Variants in GRID1 observed in about 807,000 individuals in gnomAD.
GRID1 encodes glutamate receptor ionotropic, delta-1.
A neutral mutation model predicts 98.0 loss-of-function variants in GRID1; 28 were observed. That is an observed-to-expected ratio of 0.29 (90% CI 0.21 to 0.39). The LOEUF (loss-of-function observed/expected upper bound fraction) is 0.39. Among genes scored for constraint, GRID1 ranks in the 10% least tolerant of loss-of-function variants. GRID1 has a pLI of 1.00. For synonymous variants in GRID1, 553 were observed against 538.5 expected (o/e 1.03, Z -0.37); for missense variants, 1,111 against 1,340.5 (o/e 0.83, Z 2.67).
intron 4 of GRID1, among the ~76,000 whole-genome samples, chr10:86,051,797 TA>T (rs1358038970): frequency 1.3e-5 from 2 of 152,176 alleles, no homozygotes; most frequent in Non-Finnish European, 2.9e-5. Flanking sequence ...ATTCTGTTGA[TA>T]AAACTATGGA....
At chr10:86,015,724 T>C (rs1335230580) in intron 4 of GRID1, among the ~76,000 whole-genome samples, 3 of 152,226 alleles carry the variant, frequency 2.0e-5, no homozygotes, top group Admixed American at 1.3e-4. Flanking sequence ...TCCCATTGAC[T>C]CTGTGACCTG....
chr10:86,208,154 C>G (rs918185294), intron 2 of GRID1, among the ~76,000 whole-genome samples: 1 of 152,170 alleles, frequency 6.6e-6, no homozygotes, highest in South Asian at 2.1e-4. Flanking sequence ...AGGGTCCCCC[C>G]ACACTCTCCA....
intron 8 of GRID1, among the ~76,000 whole-genome samples, chr10:85,735,983 AAGGG>A (rs1225340285): frequency 8.4e-6 from 1 of 118,498 alleles, no homozygotes; most frequent in Non-Finnish European, 1.7e-5. Flanking sequence ...GAGAGGGAGA[AAGGG>A]AGGGAGGGAG....
At chr10:86,198,953 C>G (rs1345319100) in intron 3 of GRID1, among the ~76,000 whole-genome samples, 1 of 152,152 alleles carries the variant, frequency 6.6e-6, no homozygotes, top group Non-Finnish European at 1.5e-5. Flanking sequence ...AGAAATTACC[C>G]TATAGATGAA....
intron 10 of GRID1, 90 bp downstream of exon 10, chr10:85,727,765 A>T (rs1407186822): frequency 6.3e-6 from 6 of 949,946 alleles, no homozygotes; most frequent in Non-Finnish European, 1.0e-5. Flanking sequence ...GCTGGTCCCA[A>T]GGTTTCCACT....
chr10:85,769,422 T>A (rs1252296670), intron 8 of GRID1, among the ~76,000 whole-genome samples: 2 of 152,150 alleles, frequency 1.3e-5, no homozygotes, highest in Non-Finnish European at 2.9e-5. Context: ...ATTTCTGCAT[T>A]TCCATCTGGG....
At chr10:86,121,547 T>TCA (rs1248210301) in intron 4 of GRID1, among the ~76,000 whole-genome samples, 1 of 151,430 alleles carries the variant, frequency 6.6e-6, no homozygotes, top group Non-Finnish European at 1.5e-5. Flanking sequence ...ACCATCACCA[T>TCA]TATCTCACCA....
intron 4 of GRID1, among the ~76,000 whole-genome samples, chr10:86,128,084 C>T (rs888741894): frequency 1.3e-4 from 20 of 152,134 alleles, no homozygotes; most frequent in African/African-American, 4.6e-4. Context: ...AAGGACAATG[C>T]CCCTTCCTCT....
chr10:86,057,511 G>C (rs1043990255), intron 4 of GRID1, among the ~76,000 whole-genome samples: 1 of 152,138 alleles, frequency 6.6e-6, no homozygotes, highest in African/African-American at 2.4e-5. Flanking sequence ...ACGACACCCT[G>C]CAGTCTCAAC....
intron 12 of GRID1, among the ~76,000 whole-genome samples, chr10:85,653,916 A>T (rs776738381): frequency 3.4e-4 from 51 of 152,124 alleles, no homozygotes; most frequent in Non-Finnish European, 4.4e-4. Context: ...TGCCCTTTTT[A>T]AAAAAAATAA....
At chr10:85,811,699 T>G (rs2131744763) in intron 8 of GRID1, among the ~76,000 whole-genome samples, 1 of 152,220 alleles carries the variant, frequency 6.6e-6, no homozygotes, top group South Asian at 2.1e-4. Flanking sequence ...CCTACAGAAT[T>G]TATGGAAAAC....
intron 13 of GRID1, 130 bp downstream of exon 13, chr10:85,647,072 T>G: frequency 2.8e-6 from 2 of 723,380 alleles, no homozygotes; most frequent in Non-Finnish European, 4.9e-6. Context: ...AAAGAACGTG[T>G]GCGATGGATC....
chr10:85,874,062 C>T (rs1331910772), intron 5 of GRID1, among the ~76,000 whole-genome samples: 1 of 151,984 alleles, frequency 6.6e-6, no homozygotes, highest in Non-Finnish European at 1.5e-5. Context: ...TGTTTGTTTG[C>T]CCTTACAAAG....
chr10:86,061,662 C>T (rs1002912902), intron 4 of GRID1, among the ~76,000 whole-genome samples: 5 of 152,180 alleles, frequency 3.3e-5, no homozygotes, highest in African/African-American at 1.2e-4. Flanking sequence ...ACCTGCCTCC[C>T]TCAGACCCAG....
intron 2 of GRID1, among the ~76,000 whole-genome samples, chr10:86,330,956 G>A (rs1848132170): frequency 6.6e-6 from 1 of 151,960 alleles, no homozygotes; most frequent in Non-Finnish European, 1.5e-5. Context: ...AGGGCCTGGA[G>A]GCCAGGACTA....
chr10:85,890,092 G>A (rs1043722219), intron 5 of GRID1, among the ~76,000 whole-genome samples: 3 of 151,150 alleles, frequency 2.0e-5, no homozygotes, highest in African/African-American at 7.3e-5. Context: ...GTATATTATT[G>A]TTAGCTATAG....
intron 4 of GRID1, among the ~76,000 whole-genome samples, chr10:86,104,889 G>T (rs951070821): frequency 6.6e-6 from 1 of 152,202 alleles, no homozygotes; most frequent in Non-Finnish European, 1.5e-5. Context: ...CGGACAGGGG[G>T]GCAAAAGGTA....
chr10:85,819,322 T>C (rs1842741813), intron 8 of GRID1, among the ~76,000 whole-genome samples: 1 of 152,210 alleles, frequency 6.6e-6, no homozygotes, highest in Admixed American at 6.5e-5. Flanking sequence ...AGTTTATTAA[T>C]TATTGTGATT....
chr10:85,946,105 G>A (rs750282433), intron 4 of GRID1, among the ~76,000 whole-genome samples: 1 of 152,122 alleles, frequency 6.6e-6, no homozygotes, highest in Non-Finnish European at 1.5e-5. Context: ...TTTTTAATGA[G>A]AGAAAAATGT....
Sources: gnomAD v4.1 joint callset for allele counts (sites outside exome capture counted in the v4.1 genomes callset) on GRCh38, gnomAD v4.1.1 for gene constraint, MANE v1.5 for transcripts, NCBI Gene and HGNC (gene_info 2026-07-23, HGNC 2026-07-21) for gene names.